GRID2: variants seen among roughly 807,000 people sequenced by gnomAD.
The protein encoded by GRID2 is glutamate ionotropic receptor delta type subunit 2.
GRID2 carries 33 observed loss-of-function variants against 114.8 expected under a neutral mutation model. The ratio of observed to expected loss-of-function variants is 0.29; its 90% CI spans 0.22 to 0.38. The LOEUF is 0.38. Ranked by LOEUF, GRID2 falls within the 10% of genes least tolerant of loss-of-function variation. The probability of loss-of-function intolerance (pLI) is 1.00; values close to 1 mark genes in which losing one functional copy is unlikely to be tolerated. For missense variants in GRID2, 1,184 were observed against 1,257.7 expected, an observed-to-expected ratio of 0.94 and a Z score of 0.89; for synonymous variants, 505 against 449.9, an observed-to-expected ratio of 1.12 and a Z score of -1.55.
chr4:93,240,868 C>A (rs979877780), intron 8 of GRID2, among the ~76,000 whole-genome samples: 1 of 151,310 alleles, frequency 6.6e-6, no homozygotes, highest in East Asian at 1.9e-4. Context: ...TTAGAGTAGT[C>A]GCATTCACCA....
chr4:92,796,951 T>A (rs1420548881), intron 2 of GRID2, among the ~76,000 whole-genome samples: 1 of 151,954 alleles, frequency 6.6e-6, no homozygotes, highest in Non-Finnish European at 1.5e-5. Flanking sequence ...TTTCAAAAAG[T>A]GGAAGGTATT....
intron 2 of GRID2, among the ~76,000 whole-genome samples, chr4:92,931,186 AGTTG>A (rs1560713523): frequency 6.6e-6 from 1 of 151,074 alleles, no homozygotes; most frequent in Non-Finnish European, 1.5e-5. Flanking sequence ...AGGATTGAAA[AGTTG>A]GTTTAACATT....
chr4:92,604,553 C>T (rs1367192313), intron 2 of GRID2, among the ~76,000 whole-genome samples: 1 of 151,878 alleles, frequency 6.6e-6, no homozygotes, highest in Non-Finnish European at 1.5e-5. Context: ...AGAGAGAAAG[C>T]ATCAGGATAA....
At chr4:93,044,154 A>T (rs1480035995) in intron 2 of GRID2, among the ~76,000 whole-genome samples, 2 of 152,026 alleles carry the variant, frequency 1.3e-5, no homozygotes, top group Admixed American at 1.3e-4. Context: ...TCCCAAAATG[A>T]TCCTTTGATT....
chr4:92,457,714 C>T (rs557644088), intron 1 of GRID2, among the ~76,000 whole-genome samples: 1 of 144,304 alleles, frequency 6.9e-6, no homozygotes, highest in African/African-American at 2.8e-5. Flanking sequence ...TCAGCTGAGA[C>T]CTTTTTTTTA....
intron 2 of GRID2, among the ~76,000 whole-genome samples, chr4:92,738,516 T>A (rs945992791): frequency 6.6e-6 from 1 of 152,202 alleles, no homozygotes; most frequent in African/African-American, 2.4e-5. Flanking sequence ...GTAGTCTGAA[T>A]GTATTTTCTA....
At chr4:92,467,070 TC>T (rs1721795113) in intron 1 of GRID2, among the ~76,000 whole-genome samples, 1 of 151,824 alleles carries the variant, frequency 6.6e-6, no homozygotes, top group Non-Finnish European at 1.5e-5. Flanking sequence ...ATTATTGTTA[TC>T]AAATTTTACT....
intron 2 of GRID2, among the ~76,000 whole-genome samples, chr4:92,798,858 C>A (rs1339644620): frequency 6.6e-6 from 1 of 151,962 alleles, no homozygotes; most frequent in African/African-American, 2.4e-5. Context: ...ATGCTACTTG[C>A]ATGGCTACGA....
Position 93,490,658 on chromosome 4 carries a change from G to A in GRID2, c.1878G>A (p.Thr626=), listed in dbSNP as rs142012040. ...FVQQGGEVPY[T]TLATRMMMGA... ...CTACAGGCGGGGAAGTCCCGTACAC[G>A]ACTCTGGCTACCCGAATGATGATGG... The change falls in exon 12 of 16, where the codon ACG becomes ACA. Residue 626 remains threonine (T), a synonymous_variant. Transcript: ENST00000282020. 1.2e-3 allele frequency: 1,968 copies of A among 1,610,398 alleles called. 15 individuals carry two copies. In the African/African-American group the frequency reaches 0.019, roughly 16 times the overall value.
intron 2 of GRID2, among the ~76,000 whole-genome samples, chr4:93,055,135 T>A (rs1199545546): frequency 6.6e-6 from 1 of 151,966 alleles, no homozygotes; most frequent in African/African-American, 2.4e-5. Context: ...ACATGTAAGA[T>A]GGTAAAGATG....
chr4:92,945,675 T>C (rs2149545727), intron 2 of GRID2, among the ~76,000 whole-genome samples: 1 of 152,296 alleles, frequency 6.6e-6, no homozygotes, highest in Non-Finnish European at 1.5e-5. Flanking sequence ...TTTTCCCAAA[T>C]GATTACTTGA....
chr4:93,600,686 C>A (rs1578365392), intron 13 of GRID2, among the ~76,000 whole-genome samples: 1 of 152,240 alleles, frequency 6.6e-6, no homozygotes, highest in South Asian at 2.1e-4. Flanking sequence ...GCATATATAG[C>A]CTATGACTTA....
intron 2 of GRID2, among the ~76,000 whole-genome samples, chr4:92,634,025 C>T (rs967285981): frequency 1.3e-5 from 2 of 151,172 alleles, no homozygotes; most frequent in Admixed American, 6.6e-5. Flanking sequence ...CAGGGGTGTC[C>T]AATCTTTTTG....
chr4:93,680,503 G>T (rs1177860386), intron 14 of GRID2, among the ~76,000 whole-genome samples: 1 of 151,156 alleles, frequency 6.6e-6, no homozygotes, highest in African/African-American at 2.4e-5. Context: ...CAATATCCTT[G>T]ATGAACATTG....
At chr4:92,487,583 TGTC>T (rs1722955217) in intron 1 of GRID2, among the ~76,000 whole-genome samples, 4 of 152,214 alleles carry the variant, frequency 2.6e-5, no homozygotes, top group Admixed American at 2.6e-4. Context: ...ACATTGTCTT[TGTC>T]TTGCAAGAAT....
At chr4:93,614,688 T>C (rs922517676) in intron 13 of GRID2, among the ~76,000 whole-genome samples, 3 of 152,140 alleles carry the variant, frequency 2.0e-5, no homozygotes, top group Non-Finnish European at 4.4e-5. Context: ...TAACAATATT[T>C]TAATAAGGTT....
At chr4:93,379,082 C>T (rs1257621798) in intron 8 of GRID2, among the ~76,000 whole-genome samples, 1 of 151,928 alleles carries the variant, frequency 6.6e-6, no homozygotes, top group Non-Finnish European at 1.5e-5. Context: ...AATCTATATA[C>T]TTCATATAGA....
chr4:93,044,407 A>G (rs996292881), intron 2 of GRID2, among the ~76,000 whole-genome samples: 1 of 152,060 alleles, frequency 6.6e-6, no homozygotes, highest in Admixed American at 6.6e-5. Context: ...AAAGGACACT[A>G]TTGTCCATTA....
At chr4:93,045,346 A>G (rs756900118) in intron 2 of GRID2, among the ~76,000 whole-genome samples, 8 of 152,022 alleles carry the variant, frequency 5.3e-5, no homozygotes, top group Non-Finnish European at 8.8e-5. Context: ...CTCATGTGGT[A>G]TCTGCCTAGT....
Sources: allele counts gnomAD v4.1 joint callset (sites outside exome capture counted in the v4.1 genomes callset), GRCh38; gene constraint gnomAD v4.1.1; transcripts MANE v1.5; gene names NCBI Gene and HGNC (gene_info 2026-07-23, HGNC 2026-07-21).